Variants in CCDC18 observed in about 807,000 individuals in gnomAD.
CCDC18 encodes the protein coiled-coil domain containing 18, also known as coiled-coil domain-containing protein 18.
In CCDC18, 157 loss-of-function variants were observed where a neutral mutation model predicts 196.0. The observed-to-expected ratio is 0.80, with a 90% CI of 0.70 to 0.91. The LOEUF is 0.91. Among genes scored for constraint, CCDC18 ranks in the 40% least tolerant of loss-of-function variants. The probability of loss-of-function intolerance (pLI) is 0.00; values close to 1 mark genes in which losing one functional copy is unlikely to be tolerated. For missense variants in CCDC18, 1,465 were observed against 1,611.6 expected, an observed-to-expected ratio of 0.91 and a Z score of 1.56; for synonymous variants, 482 against 529.2, an observed-to-expected ratio of 0.91 and a Z score of 1.22.
intron 23 of CCDC18, among the ~76,000 whole-genome samples, chr1:93,248,432 TG>T (rs1661786922): frequency 6.6e-6 from 1 of 152,234 alleles, no homozygotes; most frequent in East Asian, 1.9e-4. Context: ...ATATGGTTTT[TG>T]TCCTTGATTC....
chr1:93,202,474 A>G (rs1261304754), intron 7 of CCDC18, among the ~76,000 whole-genome samples: 1 of 152,162 alleles, frequency 6.6e-6, no homozygotes, highest in African/African-American at 2.4e-5. Context: ...TCTTTAAGTA[A>G]TATCACATGG....
At chr1:93,268,338 G>C (rs532310795) in intron 27 of CCDC18, among the ~76,000 whole-genome samples, 71 of 152,264 alleles carry the variant, frequency 4.7e-4, no homozygotes, top group African/African-American at 1.7e-3. Context: ...AGAAAACCTA[G>C]GCAATACCAT....
chr1:93,247,937 T>C (rs1661701175), intron 23 of CCDC18, among the ~76,000 whole-genome samples: 1 of 152,026 alleles, frequency 6.6e-6, no homozygotes, highest in Non-Finnish European at 1.5e-5. Context: ...GGAAAGACTT[T>C]GAGTTTTTCC....
At chr1:93,206,957 C>T (rs1040023379) in intron 8 of CCDC18, 150 bp from the exon 9 acceptor site, 4 of 487,502 alleles carry the variant, frequency 8.2e-6, no homozygotes, top group Non-Finnish European at 1.4e-5. Context: ...TTGTGAGTGC[C>T]TGGCATGCAG....
chr1:93,273,092 G>A (rs528650038), intron 28 of CCDC18, among the ~76,000 whole-genome samples: 37 of 150,942 alleles, frequency 2.5e-4, no homozygotes, highest in African/African-American at 9.0e-4. Context: ...TTTTTGAGAC[G>A]GAGTCTGGCT....
intron 6 of CCDC18, 106 bp downstream of exon 6, chr1:93,193,850 G>A: frequency 1.2e-6 from 1 of 812,532 alleles, no homozygotes; most frequent in South Asian, 2.3e-5. Flanking sequence ...TCAGAGATTT[G>A]GCAATAAATT....
chr1:93,200,072 A>G (rs1571390260), intron 6 of CCDC18: 1 of 152,064 alleles, frequency 6.6e-6, no homozygotes, highest in African/African-American at 2.4e-5. Context: ...GCAGCCTCAA[A>G]CCCCTGCGTT....
chr1:93,181,530 A>G (rs919240008), intron 1 of CCDC18, among the ~76,000 whole-genome samples: 3 of 152,174 alleles, frequency 2.0e-5, no homozygotes, highest in African/African-American at 4.8e-5. Flanking sequence ...AGTTAAGGAC[A>G]TTCATTTGAC....
intron 4 of CCDC18, chr1:93,190,917 A>G (rs555406115): frequency 2.6e-6 from 2 of 768,194 alleles, no homozygotes; most frequent in Admixed American, 3.5e-5. Context: ...TCTGCCCACC[A>G]TAACCACTCT....
At chr1:93,234,186 G>A (rs1358282849) in intron 18 of CCDC18, among the ~76,000 whole-genome samples, 1 of 150,246 alleles carries the variant, frequency 6.7e-6, no homozygotes, top group South Asian at 2.1e-4. Context: ...TTTTTGAGAC[G>A]TAGTCTCACT....
At position 93,226,340 on chromosome 1, in the gene CCDC18, A is replaced by T. The variant is rs1658312564; in HGVS notation, c.2183A>T (p.Gln728Leu). Reference protein sequence around the residue: ...QVSEETIKVRQLDSALEICKE... With the variant: ...QVSEETIKVRLLDSALEICKE... ...GCTTTTTTTCCTGCTTAGGTTAGGCAACTAGATTCAGCATTGGAAATTTGT... is the reference window on the plus strand; with the variant it reads ...GCTTTTTTTCCTGCTTAGGTTAGGCTACTAGATTCAGCATTGGAAATTTGT... The change falls in exon 17 of 29, where the codon CAA (glutamine) becomes CTA (leucine). Residue 728 changes from glutamine (Q) to leucine (L), a missense_variant. Physicochemically the swap from Gln to Leu is moderately radical, Grantham distance 113. Transcript: ENST00000690025. 6.8e-7 allele frequency: 1 copy of T among 1,473,148 alleles called. No individual in the cohort carries two copies. The allele number at this position is 1,473,148 out of a possible 1,614,324, so 91.3% of individuals were successfully genotyped here.
At chr1:93,220,319 A>C (rs1235057427) in intron 14 of CCDC18, among the ~76,000 whole-genome samples, 1 of 152,204 alleles carries the variant, frequency 6.6e-6, no homozygotes, top group Non-Finnish European at 1.5e-5. Context: ...AAATAAAGAC[A>C]TTCTTAGATG....
intron 4 of CCDC18, among the ~76,000 whole-genome samples, chr1:93,189,725 C>G (rs1651389724): frequency 6.6e-6 from 1 of 152,070 alleles, no homozygotes; most frequent in African/African-American, 2.4e-5. Context: ...TGCAATGGTG[C>G]AATCACAGCT....
At chr1:93,261,515 G>T (rs77958604) in intron 26 of CCDC18, among the ~76,000 whole-genome samples, 1 of 151,916 alleles carries the variant, frequency 6.6e-6, no homozygotes, top group African/African-American at 2.4e-5. Context: ...AAGCATTCTC[G>T]GAAGTGTGTC....
At position 93,259,515 on chromosome 1, in the gene CCDC18, G is replaced by A. The variant is rs183816949; in HGVS notation, c.3684+630G>A. 3.8e-3 allele frequency among the ~76,000 whole-genome samples: 583 copies of A among 152,244 alleles called. 4 individuals are homozygous for A. Among genetic ancestry groups the A allele is most frequent in the South Asian group, 0.011 (55 of 4,820 alleles). On this transcript the variant is annotated intron_variant, in intron 26 of 28. Transcript: ENST00000690025. ...TACTTACGTTTAGTGCTAATAAAGC[G>A]TTTTTTCTAATACGGCAAGGGTTGC... is the stretch of plus-strand genomic sequence containing the variant.
chr1:93,201,774 G>A (rs1471674606), intron 6 of CCDC18, 118 bp from the exon 7 acceptor site: 5 of 575,456 alleles, frequency 8.7e-6, no homozygotes, highest in Middle Eastern at 4.4e-4. Context: ...CTCCTTTTTA[G>A]TGCAGAGAAA....
chr1:93,179,938 C>T, upstream of CCDC18: 3 of 1,155,204 alleles, frequency 2.6e-6, no homozygotes, highest in Non-Finnish European at 3.6e-6. Flanking sequence ...GCTTCCTGAA[C>T]GGCCCTCGCC....
At chr1:93,255,734 C>A (rs936906485) in intron 24 of CCDC18, among the ~76,000 whole-genome samples, 1 of 134,372 alleles carries the variant, frequency 7.4e-6, no homozygotes, top group East Asian at 2.0e-4. Flanking sequence ...GGAGCCTGTA[C>A]CAAACGAAGA....
intron 7 of CCDC18, among the ~76,000 whole-genome samples, chr1:93,204,683 A>G (rs992560318): frequency 6.6e-6 from 1 of 152,148 alleles, no homozygotes; most frequent in South Asian, 2.1e-4. Flanking sequence ...ATTCCTTTGC[A>G]GTAAAACTGT....
Sources: gnomAD v4.1 joint callset for allele counts (sites outside exome capture counted in the v4.1 genomes callset) on GRCh38, gnomAD v4.1.1 for gene constraint, MANE v1.5 for transcripts, NCBI Gene and HGNC (gene_info 2026-07-23, HGNC 2026-07-21) for gene names.